The following CFAP52 variants were observed in gnomAD, a reference collection of about 807,000 sequenced individuals.
The protein encoded by CFAP52 is cilia- and flagella-associated protein 52.
In CFAP52, 57 loss-of-function variants were observed where a neutral mutation model predicts 70.5. The observed-to-expected ratio is 0.81, with a 90% CI of 0.65 to 1.01. The LOEUF (loss-of-function observed/expected upper bound fraction) is 1.01. CFAP52 is among the 50% of genes least tolerant of loss of function. The pLI is 0.00. For synonymous variants in CFAP52, 267 were observed against 292.5 expected, an observed-to-expected ratio of 0.91 and a Z score of 0.89; for missense variants, 785 against 788.5, an observed-to-expected ratio of 1.00 and a Z score of 0.05.
chr17:9,585,069 C>A (rs913674551), intron 1 of CFAP52, among the ~76,000 whole-genome samples: 12 of 152,118 alleles, frequency 7.9e-5, no homozygotes, highest in Non-Finnish European at 1.0e-4. Context: ...TAGTTGACTC[C>A]CATTCTCCCT....
At chr17:9,581,571 CAGAG>C (rs951490891) in intron 1 of CFAP52, among the ~76,000 whole-genome samples, 1 of 149,516 alleles carries the variant, frequency 6.7e-6, no homozygotes, top group Non-Finnish European at 1.5e-5. Flanking sequence ...CAGAGGGAGA[CAGAG>C]AGGGAGGGAA....
chr17:9,632,412 T>C (rs1334148221), intron 9 of CFAP52, among the ~76,000 whole-genome samples: 1 of 151,706 alleles, frequency 6.6e-6, no homozygotes, highest in African/African-American at 2.4e-5. Context: ...AAAAAGGAAG[T>C]TCTTGATCAA....
At chr17:9,636,503 A>G (rs1184516847) in intron 11 of CFAP52, among the ~76,000 whole-genome samples, 2 of 152,150 alleles carry the variant, frequency 1.3e-5, no homozygotes, top group African/African-American at 2.4e-5. Context: ...ATTTTTGAAC[A>G]GTGGCTTTTT....
intron 4 of CFAP52, 95 bp downstream of exon 4, chr17:9,594,416 T>C: frequency 6.9e-7 from 1 of 1,456,944 alleles, no homozygotes; most frequent in Non-Finnish European, 9.2e-7. Context: ...AACACGTCTT[T>C]AGTCCTGGAT....
intron 7 of CFAP52, among the ~76,000 whole-genome samples, chr17:9,611,016 T>C (rs557232028): frequency 1.3e-5 from 2 of 152,270 alleles, no homozygotes; most frequent in South Asian, 4.2e-4. Context: ...AGGCCAGAGG[T>C]TTCTGACAAC....
intron 3 of CFAP52, among the ~76,000 whole-genome samples, chr17:9,591,634 T>C (rs1207839341): frequency 6.6e-6 from 1 of 152,158 alleles, no homozygotes; most frequent in Non-Finnish European, 1.5e-5. Context: ...TCCAAGCACT[T>C]TGGGAGGCCA....
intron 6 of CFAP52, among the ~76,000 whole-genome samples, chr17:9,606,952 G>A (rs970207392): frequency 6.6e-6 from 1 of 152,162 alleles, no homozygotes; most frequent in Non-Finnish European, 1.5e-5. Context: ...GCTAAATTCA[G>A]TGTAAAGTAA....
chr17:9,613,982 C>T (rs748540856), intron 8 of CFAP52, among the ~76,000 whole-genome samples: 5 of 151,630 alleles, frequency 3.3e-5, no homozygotes, highest in Non-Finnish European at 5.9e-5. Flanking sequence ...ACTTTTTCCC[C>T]TCTTTTTTTT....
At chr17:9,632,580 A>G (rs934166303) in intron 9 of CFAP52, among the ~76,000 whole-genome samples, 2 of 152,298 alleles carry the variant, frequency 1.3e-5, no homozygotes, top group South Asian at 2.1e-4. Flanking sequence ...AGAGGTGCTC[A>G]GATTTGAATG....
rs150675216 is a variant in CFAP52, at chr17:9,631,182, C to T, written c.1175-1706C>T. ...TAAGAGTAAATGACAAAGATCCCCC[C>T]ATCACCTACAAGGCTCCATGTGAAT... is the stretch of plus-strand genomic sequence containing the variant. On this transcript the variant is annotated intron_variant, in intron 9 of 13. Coordinates refer to ENST00000352665, the MANE Select transcript of CFAP52 (RefSeq NM_145054.5). Among the ~76,000 whole-genome samples the T allele has an allele frequency of 7.9e-5, 12 of 151,980 alleles. No homozygotes were observed. In the East Asian group the frequency reaches 2.3e-3, roughly 30 times the overall value.
intron 8 of CFAP52, among the ~76,000 whole-genome samples, chr17:9,625,517 C>T (rs1910203482): frequency 6.6e-6 from 1 of 152,056 alleles, no homozygotes; most frequent in South Asian, 2.1e-4. Flanking sequence ...TCTCTTGCCA[C>T]TAGGATATTC....
chr17:9,585,857 T>C lies in CFAP52; in HGVS notation c.155T>C (p.Ile52Thr), dbSNP rs1908443571. 1 of 1,613,820 alleles carries C rather than the reference T, an allele frequency of 6.2e-7. No homozygotes were observed. The highest frequency in any genetic ancestry group is 8.5e-7 in the Non-Finnish European group (1 of 1,180,002). Reference sequence around the variant, plus strand: ...GGTTGCACAGTCCTCATTCAGGCAATAAATACTAAAGAGCAGAACTTCCTA... The same window carrying C: ...GGTTGCACAGTCCTCATTCAGGCAACAAATACTAAAGAGCAGAACTTCCTA... ...PLGCTVLIQA[I>T]NTKEQNFLQG... is the part of the protein sequence containing the mutation. Residue 52 changes from isoleucine (I) to threonine (T), a missense_variant, in exon 2 of 14, where the codon ATA becomes ACA. Transcript: ENST00000352665.
chr17:9,631,032 G>GAAAGAAAGAA (rs1473831778), intron 9 of CFAP52, among the ~76,000 whole-genome samples: 2 of 46,832 alleles, frequency 4.3e-5, no homozygotes, highest in African/African-American at 9.6e-5. Flanking sequence ...GAAAGAAAGA[G>GAAAGAAAGAA]AGAGAGAGAG....
intron 4 of CFAP52, chr17:9,597,374 C>G (rs558607927): frequency 2.4e-4 from 37 of 152,142 alleles, no homozygotes; most frequent in African/African-American, 8.0e-4. Context: ...TTTAAGTATT[C>G]TCACCGCCAA....
At position 9,635,518 on chromosome 17, in the gene CFAP52, C is replaced by T. The variant is rs762718772; in HGVS notation, c.1434C>T (p.Thr478=). The change falls in exon 11 of 14, where the codon ACC becomes ACT. Residue 478 remains threonine, a synonymous_variant. Coordinates refer to ENST00000352665, the MANE Select transcript of CFAP52 (RefSeq NM_145054.5). ...RVKRNNEECV[T]ASTDGTCIIW... ...AGAGGAACAACGAGGAGTGTGTCAC[C>T]GCCAGCACCGATGGGACTTGTATCA... is the stretch of plus-strand genomic sequence containing the variant. 1.7e-5 allele frequency: 28 copies of T among 1,614,034 alleles called. No homozygotes were observed. The highest frequency in any genetic ancestry group is 4.0e-5 in the African/African-American group (3 of 74,906).
intron 8 of CFAP52, among the ~76,000 whole-genome samples, chr17:9,622,082 G>T (rs575667870): frequency 6.5e-4 from 99 of 152,056 alleles, no homozygotes; most frequent in African/African-American, 2.1e-3. Context: ...TGCCAAAAAG[G>T]CAAGAGTCTC....
intron 12 of CFAP52, among the ~76,000 whole-genome samples, chr17:9,640,800 C>T (rs184112297): frequency 1.2e-3 from 186 of 152,162 alleles, no homozygotes; most frequent in African/African-American, 4.3e-3. Flanking sequence ...TGTGCCACCA[C>T]ATCCAGCTAA....
chr17:9,611,442 A>G (rs1323588065), intron 7 of CFAP52, among the ~76,000 whole-genome samples: 1 of 151,752 alleles, frequency 6.6e-6, no homozygotes, highest in Non-Finnish European at 1.5e-5. Flanking sequence ...GCAGCCTCCA[A>G]CTCCTGGGCT....
chr17:9,641,887 T>A, intron 13 of CFAP52, 52 bp downstream of exon 13: 3 of 1,499,292 alleles, frequency 2.0e-6, no homozygotes, highest in Non-Finnish European at 2.8e-6. Context: ...GACGAGGACA[T>A]GGAAGGAACT....
Sources: allele counts gnomAD v4.1 joint callset (sites outside exome capture counted in the v4.1 genomes callset), GRCh38; gene constraint gnomAD v4.1.1; transcripts MANE v1.5; gene names NCBI Gene and HGNC (gene_info 2026-07-23, HGNC 2026-07-21).